The following ZNF385D variants were observed in gnomAD, a reference collection of about 807,000 sequenced individuals.
The protein encoded by ZNF385D is zinc finger protein 659.
In ZNF385D, 15 loss-of-function variants were observed where a neutral mutation model predicts 35.8. The ratio of observed to expected loss-of-function variants is 0.42; its 90% CI spans 0.28 to 0.64. The LOEUF (loss-of-function observed/expected upper bound fraction) is 0.64, where lower values mean the gene tolerates loss of function less well. Ranked by LOEUF, ZNF385D falls within the 30% of genes least tolerant of loss-of-function variation. The pLI is 0.23. For missense variants in ZNF385D, 474 were observed against 494.6 expected (o/e 0.96, Z 0.39); for synonymous variants, 212 against 186.8 (o/e 1.13, Z -1.10).
intron 3 of ZNF385D, among the ~76,000 whole-genome samples, chr3:21,809,221 C>G (rs2072794118): frequency 1.3e-5 from 2 of 151,736 alleles, no homozygotes; most frequent in Admixed American, 6.6e-5. Context: ...AATAACTACT[C>G]TTGAAAAAAT....
At chr3:21,675,395 T>A (rs1394523564) in intron 1 of ZNF385D, among the ~76,000 whole-genome samples, 3 of 152,084 alleles carry the variant, frequency 2.0e-5, no homozygotes, top group Admixed American at 2.0e-4. Context: ...CTGGGTCCTC[T>A]GTAGGATAGC....
At chr3:22,030,822 A>T (rs1025352190) in intron 3 of ZNF385D, among the ~76,000 whole-genome samples, 7 of 152,212 alleles carry the variant, frequency 4.6e-5, no homozygotes, top group African/African-American at 1.7e-4. Context: ...GTGTCATCTG[A>T]GACAAGTCCC....
intron 3 of ZNF385D, among the ~76,000 whole-genome samples, chr3:21,886,177 C>T (rs1160172205): frequency 6.6e-6 from 1 of 152,062 alleles, no homozygotes; most frequent in Admixed American, 6.6e-5. Context: ...GGCCTTATCT[C>T]AATTCTACCT....
At chr3:22,120,565 A>C (rs554912606) in intron 3 of ZNF385D, among the ~76,000 whole-genome samples, 25 of 152,272 alleles carry the variant, frequency 1.6e-4, no homozygotes, top group African/African-American at 6.0e-4. Flanking sequence ...TAAATATTTC[A>C]GCTTTGAGTT....
intron 3 of ZNF385D, among the ~76,000 whole-genome samples, chr3:22,001,499 G>A (rs1268402797): frequency 6.6e-6 from 1 of 151,990 alleles, no homozygotes; most frequent in Non-Finnish European, 1.5e-5. Flanking sequence ...AAATATTACT[G>A]GATATAAAGA....
chr3:22,287,622 C>G (rs1319546073), intron 2 of ZNF385D, among the ~76,000 whole-genome samples: 1 of 151,864 alleles, frequency 6.6e-6, no homozygotes, highest in Admixed American at 6.6e-5. Context: ...ACTTGGCATA[C>G]ACAAACTCTA....
chr3:21,448,395 ATTATTATTT>A (rs1377406627), intron 4 of ZNF385D, among the ~76,000 whole-genome samples: 2 of 152,188 alleles, frequency 1.3e-5, no homozygotes, highest in Non-Finnish European at 2.9e-5. Context: ...ACAGCAATGT[ATTATTATTT>A]TTCTCTCTGC....
chr3:22,033,091 G>A (rs545613895), intron 3 of ZNF385D, among the ~76,000 whole-genome samples: 8 of 152,162 alleles, frequency 5.3e-5, no homozygotes, highest in African/African-American at 1.2e-4. Context: ...TCCATGCTGC[G>A]AGGTCAAAGA....
At chr3:21,827,088 T>A (rs999305905) in intron 3 of ZNF385D, among the ~76,000 whole-genome samples, 33 of 152,352 alleles carry the variant, frequency 2.2e-4, no homozygotes, top group Middle Eastern at 3.4e-3. Flanking sequence ...ATACCTATTT[T>A]ACATAGTTTC....
chr3:21,886,808 A>AT (rs1052090068), intron 3 of ZNF385D, among the ~76,000 whole-genome samples: 10 of 152,230 alleles, frequency 6.6e-5, no homozygotes, highest in African/African-American at 2.2e-4. Flanking sequence ...AGAGTTGTAT[A>AT]TTTTTAAATA....
chr3:21,821,445 T>G (rs553757000), intron 3 of ZNF385D, among the ~76,000 whole-genome samples: 2 of 152,264 alleles, frequency 1.3e-5, no homozygotes, highest in African/African-American at 4.8e-5. Context: ...GACAAATACA[T>G]GATACTTAGA....
chr3:22,147,179 G>T (rs1704914831), intron 3 of ZNF385D, among the ~76,000 whole-genome samples: 2 of 152,166 alleles, frequency 1.3e-5, no homozygotes, highest in African/African-American at 2.4e-5. Flanking sequence ...AATCAAAGTT[G>T]AAAGAACTTT....
chr3:22,139,653 A>G (rs111953403), intron 3 of ZNF385D, among the ~76,000 whole-genome samples: 137 of 152,234 alleles, frequency 9.0e-4, no homozygotes, highest in African/African-American at 3.2e-3. Context: ...ATTAGGTGAT[A>G]TACCTAATGT....
At chr3:21,913,871 G>GT (rs1700076506) in intron 3 of ZNF385D, among the ~76,000 whole-genome samples, 1 of 152,060 alleles carries the variant, frequency 6.6e-6, no homozygotes, top group South Asian at 2.1e-4. Flanking sequence ...ATCAGTAGTT[G>GT]TTAAAATTAG....
At chr3:21,432,893 G>A (rs919097952) in intron 5 of ZNF385D, among the ~76,000 whole-genome samples, 4 of 151,978 alleles carry the variant, frequency 2.6e-5, no homozygotes, top group African/African-American at 4.8e-5. Context: ...TTACACACTA[G>A]TGAAAAATCA....
At chr3:22,365,276 A>G (rs956946307) in intron 2 of ZNF385D, among the ~76,000 whole-genome samples, 2 of 152,072 alleles carry the variant, frequency 1.3e-5, no homozygotes, top group Non-Finnish European at 1.5e-5. Context: ...AATAAACAAG[A>G]TAAAGTATGA....
intron 2 of ZNF385D, among the ~76,000 whole-genome samples, chr3:21,661,571 A>G (rs772835618): frequency 6.6e-6 from 1 of 152,172 alleles, no homozygotes; most frequent in Non-Finnish European, 1.5e-5. Flanking sequence ...GATCACTGGG[A>G]TCAGAATATT....
intron 3 of ZNF385D, among the ~76,000 whole-genome samples, chr3:21,858,827 T>C (rs1696879158): frequency 6.6e-6 from 1 of 152,080 alleles, no homozygotes; most frequent in Non-Finnish European, 1.5e-5. Context: ...ATTCATGGAT[T>C]GCATCATTAA....
At chr3:21,936,682 G>C (rs1701276281) in intron 3 of ZNF385D, among the ~76,000 whole-genome samples, 1 of 151,910 alleles carries the variant, frequency 6.6e-6, no homozygotes, top group Non-Finnish European at 1.5e-5. Flanking sequence ...CCAGTTATTA[G>C]CATAGTTTAG....
Sources: gnomAD v4.1 joint callset for allele counts (sites outside exome capture counted in the v4.1 genomes callset) on GRCh38, gnomAD v4.1.1 for gene constraint, MANE v1.5 for transcripts, NCBI Gene and HGNC (gene_info 2026-07-23, HGNC 2026-07-21) for gene names.